Variants in NR3C2 observed in about 807,000 individuals in gnomAD.
NR3C2 encodes mineralocorticoid receptor.
In NR3C2, 15 loss-of-function variants were observed where a neutral mutation model predicts 86.4. That is an observed-to-expected ratio of 0.17 (90% CI 0.12 to 0.27). NR3C2 has a LOEUF of 0.27. Ranked by LOEUF, NR3C2 falls within the 10% of genes least tolerant of loss-of-function variation. The probability of loss-of-function intolerance (pLI) is 1.00; values close to 1 mark genes in which losing one functional copy is unlikely to be tolerated. For synonymous variants in NR3C2, 458 were observed against 450.5 expected, an observed-to-expected ratio of 1.02 and a Z score of -0.21; for missense variants, 960 against 1,195.6, an observed-to-expected ratio of 0.80 and a Z score of 2.91.
At chr4:148,151,691 C>T (rs1734109137) in intron 6 of NR3C2, among the ~76,000 whole-genome samples, 3 of 152,184 alleles carry the variant, frequency 2.0e-5, no homozygotes, top group Non-Finnish European at 1.5e-5. Context: ...TCCTCCCCTA[C>T]TGAAACCCCT....
At chr4:148,103,940 C>T (rs1468816727) in intron 8 of NR3C2, among the ~76,000 whole-genome samples, 1 of 152,192 alleles carries the variant, frequency 6.6e-6, no homozygotes, top group African/African-American at 2.4e-5. Context: ...ACATTTTCAC[C>T]TATTATTTCC....
intron 4 of NR3C2, among the ~76,000 whole-genome samples, chr4:148,170,651 T>C (rs952539909): frequency 2.6e-5 from 4 of 152,224 alleles, no homozygotes; most frequent in Admixed American, 1.3e-4. Flanking sequence ...CCTACCCCCA[T>C]GCTTTATAGA....
chr4:148,341,477 A>G (rs868203216), intron 2 of NR3C2, among the ~76,000 whole-genome samples: 21 of 152,266 alleles, frequency 1.4e-4, no homozygotes, highest in African/African-American at 4.6e-4. Context: ...AACGACGAAG[A>G]GAGGTTGGTT....
At chr4:148,191,598 C>T (rs1428286767) in intron 4 of NR3C2, among the ~76,000 whole-genome samples, 1 of 152,200 alleles carries the variant, frequency 6.6e-6, no homozygotes, top group Non-Finnish European at 1.5e-5. Context: ...TTAGAATTCT[C>T]TTCTTCCTCA....
Position 148,228,546 on chromosome 4 carries a change from AT to A in NR3C2, c.1897+31431del, listed in dbSNP as rs370153599. Among the ~76,000 whole-genome samples, 36 of 152,284 alleles carry A rather than the reference AT, an allele frequency of 2.4e-4. No individual in the cohort carries two copies. In the East Asian group the frequency reaches 4.6e-3, roughly 20 times the overall value. ...TTAAGCTATATATATAAATATCTCC[AT>A]TACATATTATGGAAACAGGTCCTCT... On this transcript the variant is annotated intron_variant, in intron 3 of 8. Transcript: ENST00000358102.
At chr4:148,176,639 A>AT (rs1365828373) in intron 4 of NR3C2, among the ~76,000 whole-genome samples, 1 of 152,218 alleles carries the variant, frequency 6.6e-6, no homozygotes, top group Non-Finnish European at 1.5e-5. Flanking sequence ...TCTTTGCTAA[A>AT]TTTCCAGTGC....
intron 1 of NR3C2, among the ~76,000 whole-genome samples, chr4:148,440,175 C>G (rs1315221600): frequency 1.3e-5 from 2 of 152,208 alleles, no homozygotes; most frequent in Non-Finnish European, 2.9e-5. Flanking sequence ...ATCTGCACGG[C>G]TTCTACACAA....
intron 6 of NR3C2, among the ~76,000 whole-genome samples, chr4:148,143,752 C>T (rs995300080): frequency 3.9e-5 from 6 of 152,006 alleles, no homozygotes; most frequent in South Asian, 2.1e-4. Context: ...TCGAGACCAG[C>T]CTGACCAACA....
Position 148,081,161 on chromosome 4 carries a change from C to G in NR3C2, c.*183G>C. ...GGGGAATCCTTCAGACTGCTCTGGTCTCGCCAAATCCACGGAAAAACAGCT... is the reference window on the plus strand; with the variant it reads ...GGGGAATCCTTCAGACTGCTCTGGTGTCGCCAAATCCACGGAAAAACAGCT... On this transcript the variant is annotated 3_prime_UTR_variant, in exon 9 of 9. Transcript: ENST00000358102. The G allele has an allele frequency of 2.6e-6, 2 of 767,834 alleles. No homozygotes were observed. Among genetic ancestry groups the G allele is most frequent in the Non-Finnish European group, 4.4e-6 (2 of 456,002 alleles). The allele number at this position is 767,834 out of a possible 1,614,324, so 47.6% of individuals were successfully genotyped here.
intron 3 of NR3C2, among the ~76,000 whole-genome samples, chr4:148,248,643 C>A (rs767876334): frequency 9.9e-5 from 15 of 152,074 alleles, no homozygotes; most frequent in Non-Finnish European, 1.8e-4. Context: ...CCCTTTAGCA[C>A]AATATTCATA....
At chr4:148,136,056 C>CAAAAAAAAAAAAA (rs199716496) in intron 6 of NR3C2, among the ~76,000 whole-genome samples, 42 of 71,014 alleles carry the variant, frequency 5.9e-4, no homozygotes, top group Admixed American at 8.3e-4. Flanking sequence ...GACTCCGTCT[C>CAAAAAAAAAAAAA]AAAAAAAAAA....
rs138791278 is a variant in NR3C2, at chr4:148,236,056, A to G, written c.1897+23922T>C. Among the ~76,000 whole-genome samples, 31 of 152,362 alleles carry G rather than the reference A, an allele frequency of 2.0e-4. No individual in the cohort carries two copies. The East Asian group carries it at 5.2e-3, about 26-fold the overall frequency. On this transcript the variant is annotated intron_variant, in intron 3 of 8. Transcript: ENST00000358102. Reference sequence around the variant, plus strand: ...TGTGTTTCTAAAGCTAGGCCAGTGCAGCTCCAGGGAGGGATCCCACTACCC... The same window carrying G: ...TGTGTTTCTAAAGCTAGGCCAGTGCGGCTCCAGGGAGGGATCCCACTACCC...
At chr4:148,252,729 A>C (rs1454268567) in intron 3 of NR3C2, among the ~76,000 whole-genome samples, 4 of 152,184 alleles carry the variant, frequency 2.6e-5, no homozygotes, top group Non-Finnish European at 5.9e-5. Flanking sequence ...GCCAGACTCG[A>C]CAAAGGCCTT....
At chr4:148,297,453 C>T (rs1336952927) in intron 2 of NR3C2, among the ~76,000 whole-genome samples, 4 of 151,922 alleles carry the variant, frequency 2.6e-5, no homozygotes, top group African/African-American at 9.7e-5. Context: ...TTTTAAACTA[C>T]ACCTATATAT....
intron 2 of NR3C2, among the ~76,000 whole-genome samples, chr4:148,406,884 T>C (rs985625360): frequency 6.6e-6 from 1 of 152,194 alleles, no homozygotes; most frequent in Non-Finnish European, 1.5e-5. Flanking sequence ...AGTCTGACAG[T>C]CAATAGTTTC....
intron 2 of NR3C2, among the ~76,000 whole-genome samples, chr4:148,387,217 C>T (rs1747309008): frequency 6.6e-6 from 1 of 152,142 alleles, no homozygotes; most frequent in South Asian, 2.1e-4. Flanking sequence ...TGACTTCTAC[C>T]TTCAAGGATC....
chr4:148,430,321 A>G (rs1749740919), intron 2 of NR3C2, among the ~76,000 whole-genome samples: 1 of 152,196 alleles, frequency 6.6e-6, no homozygotes, highest in African/African-American at 2.4e-5. Flanking sequence ...GATAAGAGGC[A>G]GACATACTGA....
chr4:148,389,435 G>A (rs1261544346), intron 2 of NR3C2, among the ~76,000 whole-genome samples: 1 of 152,104 alleles, frequency 6.6e-6, no homozygotes, highest in Non-Finnish European at 1.5e-5. Context: ...TAGTAATTTG[G>A]AAAATTTACC....
chr4:148,224,672 T>C (rs1738050088), intron 3 of NR3C2, among the ~76,000 whole-genome samples: 1 of 152,176 alleles, frequency 6.6e-6, no homozygotes, highest in Non-Finnish European at 1.5e-5. Context: ...AGTGGAACAA[T>C]ACGGGTTAGA....
Sources: gnomAD v4.1 joint callset for allele counts (sites outside exome capture counted in the v4.1 genomes callset) on GRCh38, gnomAD v4.1.1 for gene constraint, MANE v1.5 for transcripts, NCBI Gene and HGNC (gene_info 2026-07-23, HGNC 2026-07-21) for gene names.